KDM4C: variants seen among roughly 807,000 people sequenced by gnomAD.
KDM4C encodes the protein lysine-specific demethylase 4C.
Under a neutral mutation model 129.3 loss-of-function variants are expected in KDM4C, and 81 were observed. That is an observed-to-expected ratio of 0.63 (90% confidence interval 0.52 to 0.75). The LOEUF is 0.75. Ranked by LOEUF, KDM4C falls within the 30% of genes least tolerant of loss-of-function variation. The pLI is 0.00. For missense variants in KDM4C, 1,457 were observed against 1,304.0 expected, an observed-to-expected ratio of 1.12 and a Z score of -1.81; for synonymous variants, 573 against 456.1, an observed-to-expected ratio of 1.26 and a Z score of -3.26.
At chr9:6,938,354 C>G (rs1268418634) in intron 8 of KDM4C, among the ~76,000 whole-genome samples, 1 of 152,122 alleles carries the variant, frequency 6.6e-6, no homozygotes, top group Non-Finnish European at 1.5e-5. Context: ...GAGTGCAGCT[C>G]AGTTCTAAAC....
intron 2 of KDM4C, among the ~76,000 whole-genome samples, chr9:6,797,518 A>T (rs1827973243): frequency 6.6e-6 from 1 of 152,212 alleles, no homozygotes; most frequent in Non-Finnish European, 1.5e-5. Context: ...AAGTGAAAAG[A>T]GTGGCAGTCT....
chr9:7,147,694 C>T (rs1269841553), intron 19 of KDM4C, among the ~76,000 whole-genome samples: 1 of 152,218 alleles, frequency 6.6e-6, no homozygotes, highest in Non-Finnish European at 1.5e-5. Context: ...CCGATGTTGG[C>T]TCTCTTACCC....
chr9:7,073,775 G>C (rs1470923759), intron 17 of KDM4C, among the ~76,000 whole-genome samples: 3 of 152,076 alleles, frequency 2.0e-5, no homozygotes, highest in Non-Finnish European at 2.9e-5. Context: ...AGCCTTGCAG[G>C]GCCCATCAAA....
intron 4 of KDM4C, among the ~76,000 whole-genome samples, chr9:6,822,347 A>G (rs901520333): frequency 1.3e-5 from 2 of 152,170 alleles, no homozygotes; most frequent in Non-Finnish European, 1.5e-5. Flanking sequence ...GTTCTTGGGG[A>G]AGACTGTACA....
intron 15 of KDM4C, among the ~76,000 whole-genome samples, chr9:7,029,093 G>T (rs866088637): frequency 6.6e-6 from 1 of 152,220 alleles, no homozygotes. Context: ...GGGATGATTC[G>T]TGGAGCCTTC....
intron 1 of KDM4C, among the ~76,000 whole-genome samples, chr9:6,768,337 AT>A (rs200541754): frequency 0.012 from 1,685 of 142,254 alleles, 10 homozygotes; most frequent in African/African-American, 0.02. Context: ...GCTGAACAGG[AT>A]TTTTTTTTTT....
chr9:7,013,877 A>G lies in KDM4C; in HGVS notation c.2058A>G (p.Ile686Met). 6.2e-7 allele frequency: 1 copy of G among 1,614,014 alleles called. No homozygotes were observed. Among genetic ancestry groups the G allele is most frequent in the Non-Finnish European group, 8.5e-7 (1 of 1,179,890 alleles). The change falls in exon 14 of 22, where the codon ATA (isoleucine) becomes ATG (methionine). Residue 686 changes from isoleucine to methionine, a missense_variant. By Grantham distance (10) the Ile-to-Met change is conservative. Coordinates refer to ENST00000381309, the MANE Select transcript of KDM4C (RefSeq NM_015061.6). ...VTSEGKTKPL[I>M]PEMCFIYSEE... is the part of the protein sequence containing the mutation. The stretch of plus-strand genomic sequence containing the variant: ...CGGAGGGAAAGACTAAGCCCCTCAT[A>G]CCAGAGATGTGTTTTATTTATAGTG...
At chr9:7,015,355 T>C (rs1823469643) in intron 14 of KDM4C, among the ~76,000 whole-genome samples, 1 of 152,164 alleles carries the variant, frequency 6.6e-6, no homozygotes, top group African/African-American at 2.4e-5. Flanking sequence ...TCACCTTAGA[T>C]AGTTATTTTG....
At chr9:7,057,356 A>G (rs118150828) in intron 17 of KDM4C, among the ~76,000 whole-genome samples, 2,668 of 152,358 alleles carry the variant, frequency 0.018, 35 homozygotes, top group Non-Finnish European at 0.029. Context: ...TGATCTCAAT[A>G]TCAAAGTTTC....
At position 6,739,725 on chromosome 9, in the gene KDM4C, T is replaced by A. The variant is rs115034876; in HGVS notation, c.49+18728T>A. 7.3e-3 allele frequency among the ~76,000 whole-genome samples: 1,099 copies of A among 150,998 alleles called. 16 individuals carry two copies. The highest frequency in any genetic ancestry group is 0.026 in the African/African-American group (1,053 of 41,158). On this transcript the variant is annotated intron_variant, in intron 1 of 17. Transcript: ENST00000536108. ...AAATAGCCCAGTAAGCTGGAAGGAA[T>A]GTGGCTCACAATTGTAATCCCAGCA... is the stretch of plus-strand genomic sequence containing the variant.
chr9:6,943,680 A>C (rs7854189), intron 8 of KDM4C, among the ~76,000 whole-genome samples: 49,737 of 111,876 alleles, frequency 0.44, 8,773 homozygotes, highest in East Asian at 0.66. Flanking sequence ...GTCTCAAAAA[A>C]AAAAAAAAAG....
intron 17 of KDM4C, among the ~76,000 whole-genome samples, chr9:7,072,739 A>T (rs1479546271): frequency 6.6e-6 from 1 of 152,238 alleles, no homozygotes; most frequent in Non-Finnish European, 1.5e-5. Flanking sequence ...AAGTATACAC[A>T]CTAAAGGATG....
At chr9:7,161,032 C>T (rs538499644) in intron 19 of KDM4C, among the ~76,000 whole-genome samples, 1 of 152,332 alleles carries the variant, frequency 6.6e-6, no homozygotes, top group African/African-American at 2.4e-5. Context: ...CAAGCCTCAG[C>T]AATGGCAGAC....
chr9:6,872,224 C>T (rs993813958), intron 5 of KDM4C, among the ~76,000 whole-genome samples: 1 of 152,140 alleles, frequency 6.6e-6, no homozygotes, highest in Non-Finnish European at 1.5e-5. Flanking sequence ...TGACAATAGT[C>T]TAGCTGAAGG....
chr9:7,095,399 T>TC (rs1310845554), intron 17 of KDM4C, among the ~76,000 whole-genome samples: 1 of 152,246 alleles, frequency 6.6e-6, no homozygotes, highest in Admixed American at 6.5e-5. Context: ...TTGTTTTTTT[T>TC]CTCAGATACC....
At chr9:6,872,473 A>C (rs535680535) in intron 5 of KDM4C, among the ~76,000 whole-genome samples, 1 of 152,308 alleles carries the variant, frequency 6.6e-6, no homozygotes, top group African/African-American at 2.4e-5. Flanking sequence ...GTGGGGTGTT[A>C]AAGTCTCCCA....
rs759042414 is a variant in KDM4C, at chr9:7,015,888, G to C, written c.2218G>C (p.Gly740Arg). Residue 740 changes from glycine to arginine, a missense_variant, in exon 15 of 22, where the codon GGA becomes CGA. Coordinates refer to ENST00000381309, the MANE Select transcript of KDM4C (RefSeq NM_015061.6). ...TATTCCTTCTCATGAGATCTGTGAT[G>C]GATGGCTGTGTGCCCGGTGCAAAAG... ...YGIPSHEICD[G>R]WLCARCKRNA... 2 of 1,612,872 alleles carry C rather than the reference G, an allele frequency of 1.2e-6. No homozygotes were observed. Among genetic ancestry groups the C allele is most frequent in the South Asian group, 1.1e-5 (1 of 90,914 alleles).
chr9:7,145,406 G>A (rs185410823), intron 19 of KDM4C, among the ~76,000 whole-genome samples: 1 of 152,154 alleles, frequency 6.6e-6, no homozygotes, highest in African/African-American at 2.4e-5. Flanking sequence ...CAGTTCAGGG[G>A]TGCTGCGTAG....
rs1451754407 is a variant in KDM4C, at chr9:7,011,827, C to T, written c.1916C>T (p.Ala639Val). The T allele has an allele frequency of 6.2e-7, 1 of 1,613,986 alleles. No homozygotes were observed. Among genetic ancestry groups the T allele is most frequent in the Admixed American group, 1.7e-5 (1 of 60,016 alleles). ...GAGCAAGAGTATAATGCAACAGTGG[C>T]CAGGATGAAGCCACACTGTGCCATC... ...AAEQEYNATV[A>V]RMKPHCAICT... is the part of the protein sequence containing the mutation. The change falls in exon 13 of 22, where the codon GCC (alanine) becomes GTC (valine). Residue 639 changes from alanine to valine, a missense_variant. Ala to Val is a moderately conservative substitution (Grantham distance 64). Transcript: ENST00000381309.
Sources: gnomAD v4.1 joint callset for allele counts (sites outside exome capture counted in the v4.1 genomes callset) on GRCh38, gnomAD v4.1.1 for gene constraint, MANE v1.5 for transcripts, NCBI Gene and HGNC (gene_info 2026-07-23, HGNC 2026-07-21) for gene names.